Variants in ADCY2 observed in about 807,000 individuals in gnomAD.
The protein encoded by ADCY2 is adenylate cyclase 2.
A neutral mutation model predicts 125.2 loss-of-function variants in ADCY2; 31 were observed. The ratio of observed to expected loss-of-function variants is 0.25; its 90% confidence interval spans 0.19 to 0.33. The LOEUF (loss-of-function observed/expected upper bound fraction) is 0.33. Ranked by LOEUF, ADCY2 falls within the 10% of genes least tolerant of loss-of-function variation. ADCY2 has a pLI of 1.00. For synonymous variants in ADCY2, 512 were observed against 548.4 expected (o/e 0.93, Z 0.93); for missense variants, 904 against 1,418.2 (o/e 0.64, Z 5.82).
chr5:7,657,849 TC>T (rs1739391446), intron 4 of ADCY2, among the ~76,000 whole-genome samples: 1 of 152,002 alleles, frequency 6.6e-6, no homozygotes, highest in African/African-American at 2.4e-5. Context: ...ATGCCAAAAT[TC>T]CCAGCAATTA....
At chr5:7,489,587 A>T (rs1743082844) in intron 2 of ADCY2, among the ~76,000 whole-genome samples, 2 of 152,286 alleles carry the variant, frequency 1.3e-5, no homozygotes, top group East Asian at 3.9e-4. Flanking sequence ...GCCATGTAAG[A>T]CATTCCTTTG....
intron 7 of ADCY2, among the ~76,000 whole-genome samples, chr5:7,704,433 A>G (rs1741194156): frequency 6.6e-6 from 1 of 152,176 alleles, no homozygotes; most frequent in South Asian, 2.1e-4. Flanking sequence ...CATGTAAATT[A>G]TTTTTAATCA....
chr5:7,420,713 CAG>C (rs1740168341), intron 2 of ADCY2, among the ~76,000 whole-genome samples: 1 of 152,142 alleles, frequency 6.6e-6, no homozygotes. Context: ...CAGTAACCTG[CAG>C]AGTTTCTGGC....
chr5:7,519,649 G>A (rs6867567), intron 2 of ADCY2, among the ~76,000 whole-genome samples: 112,137 of 152,056 alleles, frequency 0.74, 42,402 homozygotes, highest in Non-Finnish European at 0.83. Flanking sequence ...GAGAGGTTTC[G>A]TGTTGATTGT....
chr5:7,720,905 T>G (rs987556986), intron 12 of ADCY2, among the ~76,000 whole-genome samples: 3 of 152,252 alleles, frequency 2.0e-5, no homozygotes, highest in African/African-American at 7.2e-5. Context: ...CCTTTGGGTA[T>G]ATACCCAGTA....
Position 7,464,847 on chromosome 5 carries a change from T to A in ADCY2, c.408+50077T>A, listed in dbSNP as rs570760991. ...GAATGTCTAACTAATATCACAAAAT[T>A]AAATTTATGATCTTTACTAGTCCAT... On this transcript the variant is annotated intron_variant, in intron 2 of 24. Transcript: ENST00000338316. 1.4e-3 allele frequency among the ~76,000 whole-genome samples: 206 copies of A among 152,278 alleles called. 1 individual carries two copies. The highest frequency in any genetic ancestry group is 2.6e-3 in the Non-Finnish European group (174 of 68,024).
At chr5:7,659,394 ACCCAGATTGCTG>A (rs1456305613) in intron 4 of ADCY2, among the ~76,000 whole-genome samples, 2 of 152,210 alleles carry the variant, frequency 1.3e-5, no homozygotes, top group Non-Finnish European at 2.9e-5. Context: ...TCTTTATAAT[ACCCAGATTGCTG>A]TACTGTGTTG....
At position 7,463,618 on chromosome 5, in the gene ADCY2, T is replaced by TTA. The variant is rs1211346803; in HGVS notation, c.408+48848_408+48849insTA. Among the ~76,000 whole-genome samples, 415 of 102,548 alleles carry TTA rather than the reference T, an allele frequency of 4.0e-3. 4 individuals carry two copies. Among genetic ancestry groups the TTA allele is most frequent in the African/African-American group, 0.013 (404 of 30,874 alleles). 67.3% of individuals were successfully genotyped at this position (102,548 alleles called of 152,430 possible). A position where few individuals can be genotyped will look rare whatever the true frequency, so the allele number is the denominator to read the frequency against. On this transcript the variant is annotated intron_variant, in intron 2 of 24. Transcript: ENST00000338316. ...TATGCTGAGAGCACAAGGTGATAGA[T>TTA]AAAAAAAAAAAAAAAAAAAAGAATG...
chr5:7,507,365 C>A, intron 2 of ADCY2, among the ~76,000 whole-genome samples: 1 of 129,078 alleles, frequency 7.7e-6, no homozygotes, highest in Non-Finnish European at 1.6e-5. Flanking sequence ...GGCGTGAACC[C>A]GGGAGGCGGA....
chr5:7,475,812 T>C (rs1742504095), intron 2 of ADCY2, among the ~76,000 whole-genome samples: 1 of 152,150 alleles, frequency 6.6e-6, no homozygotes, highest in Non-Finnish European at 1.5e-5. Context: ...GAGGAGACTG[T>C]GGCGGGACTG....
intron 2 of ADCY2, among the ~76,000 whole-genome samples, chr5:7,428,345 T>G (rs574578461): frequency 6.6e-6 from 1 of 152,316 alleles, no homozygotes; most frequent in African/African-American, 2.4e-5. Flanking sequence ...CTGCTTATCT[T>G]TGTTAGGGGG....
rs1217161135 is a variant in ADCY2, at chr5:7,396,552, T to G, written c.210+46T>G. 2.0e-6 allele frequency: 3 copies of G among 1,497,610 alleles called. No homozygotes were observed. The highest frequency in any genetic ancestry group is 2.7e-6 in the Non-Finnish European group (3 of 1,124,036). 92.8% of individuals were successfully genotyped at this position (1,497,610 alleles called of 1,614,324 possible). A position where few individuals can be genotyped will look rare whatever the true frequency, so the allele number is the denominator to read the frequency against. On this transcript the variant is annotated intron_variant, in intron 1 of 24. Coordinates refer to ENST00000338316, the MANE Select transcript of ADCY2 (RefSeq NM_020546.3). This position sits in a 1 kb window ranked among gnomAD's most constrained non-coding sequence, Gnocchi z 5.7. ...TCCAGCGCCGCGCCTTCCCCGGCCC[T>G]GAGAGGAGCCCGGCCAGCCGAGCCG...
Position 7,802,738 on chromosome 5 carries a change from C to T in ADCY2, c.2775+374C>T, listed in dbSNP as rs554402797. ...TGGTGTGTCTGTGCCTACTTCAATG[C>T]CTTTGTCAGATATCAACTTGCACTA... On this transcript the variant is annotated intron_variant, in intron 21 of 24. Coordinates refer to ENST00000338316, the MANE Select transcript of ADCY2 (RefSeq NM_020546.3). This position sits in a 1 kb window ranked among gnomAD's most constrained non-coding sequence, Gnocchi z 4.6. Among the ~76,000 whole-genome samples, 1 of 152,140 alleles carries T rather than the reference C, an allele frequency of 6.6e-6. No homozygotes were observed. Among genetic ancestry groups the T allele is most frequent in the Non-Finnish European group, 1.5e-5 (1 of 68,040 alleles).
chr5:7,732,010 C>T (rs1255125283), intron 14 of ADCY2, among the ~76,000 whole-genome samples: 3 of 152,156 alleles, frequency 2.0e-5, no homozygotes, highest in South Asian at 4.1e-4. Context: ...TTTGTCTGTA[C>T]GTTCATCAAC....
intron 2 of ADCY2, among the ~76,000 whole-genome samples, chr5:7,449,623 G>C (rs1196427518): frequency 2.0e-5 from 3 of 152,124 alleles, no homozygotes; most frequent in African/African-American, 7.2e-5. Context: ...TATAGGAGCT[G>C]GAAAGAAAAG....
At chr5:7,749,835 A>G (rs1394360225) in intron 15 of ADCY2, 1 of 152,232 alleles carries the variant, frequency 6.6e-6, no homozygotes, top group East Asian at 1.9e-4. Context: ...GCCTCGGGAA[A>G]GGGAAAGTAG....
chr5:7,421,986 T>C (rs999505473), intron 2 of ADCY2, among the ~76,000 whole-genome samples: 3 of 151,958 alleles, frequency 2.0e-5, no homozygotes, highest in South Asian at 2.1e-4. Context: ...ATAAACAGAG[T>C]GCTGTCAAGG....
chr5:7,776,193 TAAAAAA>T lies in ADCY2; in HGVS notation c.2384+3110_2384+3115del, dbSNP rs11332766. On this transcript the variant is annotated intron_variant, in intron 18 of 24. Transcript: ENST00000338316. Reference sequence around the variant, plus strand: ...CTTCCCAATATGAAAGTGAGATCCTTAAAAAAAAAAAAAAAAAAAAAAAGCTGTGTA... The same window carrying T: ...CTTCCCAATATGAAAGTGAGATCCTTAAAAAAAAAAAAAAAAAGCTGTGTA... Among the ~76,000 whole-genome samples, 397 of 91,560 alleles carry T rather than the reference TAAAAAA, an allele frequency of 4.3e-3. 4 individuals carry two copies. Among genetic ancestry groups the T allele is most frequent in the African/African-American group, 0.016 (386 of 23,412 alleles). 60.1% of individuals were successfully genotyped at this position (91,560 alleles called of 152,430 possible).
At chr5:7,774,423 A>G (rs1251981874) in intron 18 of ADCY2, among the ~76,000 whole-genome samples, 1 of 152,236 alleles carries the variant, frequency 6.6e-6, no homozygotes, top group Non-Finnish European at 1.5e-5. Flanking sequence ...CCTGTGTTGT[A>G]TTCCTAAATA....
Sources: allele counts gnomAD v4.1 joint callset (sites outside exome capture counted in the v4.1 genomes callset), GRCh38; gene constraint gnomAD v4.1.1; non-coding constraint Gnocchi (gnomAD v3.1); transcripts MANE v1.5; gene names NCBI Gene and HGNC (gene_info 2026-07-23, HGNC 2026-07-21).